TBCA: variants seen among roughly 807,000 people sequenced by gnomAD.
TBCA encodes the protein tubulin-specific chaperone A.
Under a neutral mutation model 15.8 loss-of-function variants are expected in TBCA, and 6 were observed. That is an observed-to-expected ratio of 0.38 (90% CI 0.21 to 0.75). The LOEUF (loss-of-function observed/expected upper bound fraction) is 0.75. Among genes scored for constraint, TBCA ranks in the 30% least tolerant of loss-of-function variants. The pLI is 0.46. For missense variants in TBCA, 90 were observed against 131.2 expected, an observed-to-expected ratio of 0.69 and a Z score of 1.53; for synonymous variants, 32 against 42.3, an observed-to-expected ratio of 0.76 and a Z score of 0.94.
At chr5:77,750,143 T>C (rs960047594) in intron 1 of TBCA, among the ~76,000 whole-genome samples, 15 of 150,206 alleles carry the variant, frequency 1.0e-4, no homozygotes, top group Admixed American at 2.6e-4. Flanking sequence ...TCTCTCTCTA[T>C]ATATATAGAG....
intron 1 of TBCA, among the ~76,000 whole-genome samples, chr5:77,742,077 C>T (rs1747049462): frequency 6.6e-6 from 1 of 152,148 alleles, no homozygotes; most frequent in African/African-American, 2.4e-5. Flanking sequence ...GGCCCACAGG[C>T]CAAAGCAAAT....
intron 1 of TBCA, among the ~76,000 whole-genome samples, chr5:77,747,265 CA>C (rs1394682979): frequency 6.6e-6 from 1 of 151,842 alleles, no homozygotes; most frequent in Non-Finnish European, 1.5e-5. Flanking sequence ...TGAAAAAAAT[CA>C]AATCGAAGAA....
intron 1 of TBCA, among the ~76,000 whole-genome samples, chr5:77,769,388 C>G (rs1397410786): frequency 6.6e-6 from 1 of 152,152 alleles, no homozygotes; most frequent in Non-Finnish European, 1.5e-5. Context: ...CAGATACAGT[C>G]CACCATACTT....
chr5:77,711,556 C>T (rs1304542624), intron 1 of TBCA, among the ~76,000 whole-genome samples: 1 of 152,116 alleles, frequency 6.6e-6, no homozygotes, highest in Admixed American at 6.6e-5. Flanking sequence ...GTCTAGAAAT[C>T]TCACTACTGT....
rs1023986584 is a variant in TBCA at position 77,691,622 on chromosome 5, C to T, written c.247-124G>A. 7.0e-6 allele frequency: 10 copies of T among 1,420,438 alleles called. No individual in the cohort carries two copies. The East Asian group carries it at 2.7e-4, about 38-fold the overall frequency. The allele number at this position is 1,420,438 out of a possible 1,614,324, so 88.0% of individuals were successfully genotyped here. On this transcript the variant is annotated intron_variant, in intron 3 of 3. Coordinates refer to ENST00000380377, the MANE Select transcript of TBCA (RefSeq NM_004607.3). ...AAATTAAAAGTAAAAAATCCCAAGC[C>T]TCATCTAAATATATTGTAATTCCAC... is the stretch of plus-strand genomic sequence containing the variant.
At chr5:77,691,924 G>A in intron 3 of TBCA, 1 of 988,480 alleles carries the variant, frequency 1.0e-6, no homozygotes, top group South Asian at 4.7e-5. Context: ...GACAAAGAAG[G>A]CTTCTGATGT....
intron 1 of TBCA, among the ~76,000 whole-genome samples, chr5:77,730,136 T>C (rs1746731939): frequency 6.6e-6 from 1 of 152,224 alleles, no homozygotes; most frequent in Admixed American, 6.5e-5. Context: ...GGATTGAATG[T>C]TACCCAAAAT....
At position 77,715,156 on chromosome 5, in the gene TBCA, A is replaced by G; in HGVS notation, c.54-6809T>C. The stretch of plus-strand genomic sequence containing the variant: ...ATAAGCTATGTAAATAACTGATGAA[A>G]GAAGTTATAGGCCAAGGGATCTATT... On this transcript the variant is annotated intron_variant, in intron 1 of 3. Coordinates refer to ENST00000380377, the MANE Select transcript of TBCA (RefSeq NM_004607.3). The G allele has an allele frequency of 6.0e-6, 4 of 670,760 alleles. No individual in the cohort carries two copies. The South Asian group carries it at 6.5e-5, about 11-fold the overall frequency. The allele number at this position is 670,760 out of a possible 1,614,324, so 41.6% of individuals were successfully genotyped here. A position where few individuals can be genotyped will look rare whatever the true frequency, so the allele number is the denominator to read the frequency against.
intron 1 of TBCA, among the ~76,000 whole-genome samples, chr5:77,767,331 T>C (rs1157555414): frequency 6.6e-6 from 1 of 152,100 alleles, no homozygotes; most frequent in Non-Finnish European, 1.5e-5. Context: ...AACTTACTTG[T>C]GGAAGTGAAA....
intron 1 of TBCA, among the ~76,000 whole-genome samples, chr5:77,725,303 T>C (rs1311308668): frequency 6.6e-6 from 1 of 152,234 alleles, no homozygotes; most frequent in African/African-American, 2.4e-5. Flanking sequence ...CTGCTGCTCC[T>C]CCACAAAATA....
chr5:77,744,462 C>T (rs1355965557), intron 1 of TBCA, among the ~76,000 whole-genome samples: 1 of 151,430 alleles, frequency 6.6e-6, no homozygotes, highest in Admixed American at 6.6e-5. Context: ...CTCCTCTGAC[C>T]TCATGAAGCA....
intron 1 of TBCA, among the ~76,000 whole-genome samples, chr5:77,730,418 A>G (rs765987031): frequency 1.3e-5 from 2 of 152,224 alleles, no homozygotes; most frequent in Non-Finnish European, 2.9e-5. Context: ...TGGAGGGAGA[A>G]TGGCCCTGCT....
chr5:77,766,310 G>C (rs1747775793), intron 1 of TBCA, among the ~76,000 whole-genome samples: 1 of 151,980 alleles, frequency 6.6e-6, no homozygotes. Flanking sequence ...TTCCACAATA[G>C]ACTAGTCTCT....
intron 1 of TBCA, among the ~76,000 whole-genome samples, chr5:77,769,486 T>G (rs1025266850): frequency 6.6e-6 from 1 of 152,206 alleles, no homozygotes; most frequent in African/African-American, 2.4e-5. Context: ...ACGTGTCATT[T>G]GCATTCTTCA....
intron 1 of TBCA, among the ~76,000 whole-genome samples, chr5:77,760,227 G>C (rs967269486): frequency 6.6e-6 from 1 of 152,120 alleles, no homozygotes; most frequent in African/African-American, 2.4e-5. Context: ...TGAACCTAAA[G>C]CAACAGCAGA....
chr5:77,764,162 G>C (rs1372824005), intron 1 of TBCA, among the ~76,000 whole-genome samples: 10 of 152,062 alleles, frequency 6.6e-5, no homozygotes, highest in Admixed American at 6.5e-4. Context: ...AAAAGTAAAT[G>C]ACACGTTTTA....
At chr5:77,702,036 G>A (rs1471275526) in intron 2 of TBCA, among the ~76,000 whole-genome samples, 2 of 151,978 alleles carry the variant, frequency 1.3e-5, no homozygotes, top group African/African-American at 4.8e-5. Context: ...GGGACTCAGA[G>A]GGAAAGGGTG....
At chr5:77,730,991 T>C (rs1196218751) in intron 1 of TBCA, among the ~76,000 whole-genome samples, 2 of 152,208 alleles carry the variant, frequency 1.3e-5, no homozygotes, top group African/African-American at 4.8e-5. Flanking sequence ...TTTGTCAATA[T>C]TATAATAATA....
At chr5:77,692,369 T>C in intron 3 of TBCA, 1 of 985,034 alleles carries the variant, frequency 1.0e-6, no homozygotes, top group Non-Finnish European at 1.2e-6. Context: ...TGTTAGTAAA[T>C]ACAAGCTCTT....
Sources: allele counts gnomAD v4.1 joint callset (sites outside exome capture counted in the v4.1 genomes callset), GRCh38; gene constraint gnomAD v4.1.1; transcripts MANE v1.5; gene names NCBI Gene and HGNC (gene_info 2026-07-23, HGNC 2026-07-21).